Variants in SH3PXD2A observed in about 807,000 individuals in gnomAD.
SH3PXD2A encodes SH3 and PX domain-containing protein 2A.
A neutral mutation model predicts 115.2 loss-of-function variants in SH3PXD2A; 32 were observed. That is an observed-to-expected ratio of 0.28 (90% confidence interval 0.21 to 0.37). The LOEUF is 0.37. Among genes scored for constraint, SH3PXD2A ranks in the 10% least tolerant of loss-of-function variants. The pLI is 1.00. For missense variants in SH3PXD2A, 1,328 were observed against 1,498.7 expected (o/e 0.89, Z 1.88); for synonymous variants, 610 against 629.1 (o/e 0.97, Z 0.45).
chr10:103,602,206 C>G lies in SH3PXD2A; in HGVS notation c.3012G>C (p.Thr1004=), dbSNP rs763957305. ...GGACGCCTCGGAGGCCATCAGTGGCCGTGAGTGACTCATTCCTCCGCAGGG... is the reference window on the plus strand; with the variant it reads ...GGACGCCTCGGAGGCCATCAGTGGCGGTGAGTGACTCATTCCTCCGCAGGG... The part of the protein sequence containing the change: ...SCALRRNESL[T]ATDGLRGVRR... Residue 1004 remains threonine (T), a synonymous_variant, in exon 15 of 15, where the codon ACG becomes ACC. Coordinates refer to ENST00000369774, the MANE Select transcript of SH3PXD2A (RefSeq NM_001394015.1). The G allele has an allele frequency of 5.7e-6, 9 of 1,586,610 alleles. No individual in the cohort carries two copies. The South Asian group carries it at 1.0e-4, about 18-fold the overall frequency.
intron 2 of SH3PXD2A, among the ~76,000 whole-genome samples, chr10:103,773,398 G>A (rs561097959): frequency 3.8e-4 from 57 of 151,936 alleles, no homozygotes; most frequent in African/African-American, 1.4e-3. Flanking sequence ...GAAGAAGAGA[G>A]GGACAATAAT....
At chr10:103,846,277 A>G (rs1190778598) in intron 1 of SH3PXD2A, among the ~76,000 whole-genome samples, 1 of 152,254 alleles carries the variant, frequency 6.6e-6, no homozygotes, top group East Asian at 1.9e-4. Flanking sequence ...CCACTTAGAT[A>G]TCACTTCCTC....
chr10:103,666,624 G>C lies in SH3PXD2A; in HGVS notation c.472+1984C>G, dbSNP rs749809971. On this transcript the variant is annotated intron_variant, in intron 7 of 14. Transcript: ENST00000369774. The surrounding 1 kb of genome is among the most constrained non-coding windows in gnomAD (Gnocchi z 4.5). ...GTCCAGTCCTGCTTTGCCCTTACTA[G>C]CTCTGAGATCCTGGGGAGGACACGT... is the stretch of plus-strand genomic sequence containing the variant. Among the ~76,000 whole-genome samples, 1 of 152,194 alleles carries C rather than the reference G, an allele frequency of 6.6e-6. No individual in the cohort carries two copies. Among genetic ancestry groups the C allele is most frequent in the Non-Finnish European group, 1.5e-5 (1 of 68,042 alleles).
At chr10:103,777,940 G>A (rs952060980) in intron 2 of SH3PXD2A, among the ~76,000 whole-genome samples, 2 of 152,166 alleles carry the variant, frequency 1.3e-5, no homozygotes, top group Admixed American at 6.5e-5. Flanking sequence ...CAAATGCCAG[G>A]AGTCATCATT....
intron 5 of SH3PXD2A, among the ~76,000 whole-genome samples, chr10:103,706,353 G>C (rs1009358610): frequency 7.2e-5 from 11 of 152,216 alleles, no homozygotes; most frequent in African/African-American, 2.7e-4. Flanking sequence ...TGGTTTTACA[G>C]CCTCCTCTCA....
intron 1 of SH3PXD2A, among the ~76,000 whole-genome samples, chr10:103,801,702 A>G (rs1245841287): frequency 6.6e-6 from 1 of 152,030 alleles, no homozygotes; most frequent in Admixed American, 6.6e-5. Context: ...AGGTCACTAC[A>G]TTTTTGTTTG....
chr10:103,773,655 G>A (rs1421628475), intron 2 of SH3PXD2A, among the ~76,000 whole-genome samples: 2 of 152,008 alleles, frequency 1.3e-5, no homozygotes, highest in Non-Finnish European at 2.9e-5. Flanking sequence ...TGGTCAGGCT[G>A]GTCTTGAATT....
chr10:103,762,312 G>A (rs2038709053), intron 3 of SH3PXD2A, among the ~76,000 whole-genome samples: 1 of 152,120 alleles, frequency 6.6e-6, no homozygotes, highest in Admixed American at 6.5e-5. Context: ...GCGGGTGTGA[G>A]CCACTGCGCC....
chr10:103,656,401 C>T (rs920135510), intron 8 of SH3PXD2A, among the ~76,000 whole-genome samples: 5 of 152,190 alleles, frequency 3.3e-5, no homozygotes, highest in East Asian at 1.9e-4. Flanking sequence ...ACTCAGTTGT[C>T]GGGAGAGATC....
Position 103,724,298 on chromosome 10 carries a change from G to A in SH3PXD2A, c.370C>T (p.Arg124Ter), listed in dbSNP as rs139050830. ...TTTGGAGGGTTGACATCCTCGGGTC[G>A]AGCCTCGAAGAACCGGAAGACTTCG... Reference protein sequence around the residue: ...CDEVFRFFEARPEDVNPPKED... With the variant: ...CDEVFRFFEA The change falls in exon 5 of 15, where the codon CGA becomes TGA. Residue 124 changes from arginine to a stop codon, truncating the protein, a stop_gained. Coordinates refer to ENST00000369774, the MANE Select transcript of SH3PXD2A (RefSeq NM_001394015.1). LOFTEE classifies it high-confidence loss of function. 3 of 1,579,184 alleles carry A rather than the reference G, an allele frequency of 1.9e-6. No individual in the cohort carries two copies. The highest frequency in any genetic ancestry group is 2.6e-6 in the Non-Finnish European group (3 of 1,165,298).
intron 6 of SH3PXD2A, among the ~76,000 whole-genome samples, chr10:103,671,853 C>A (rs1828304799): frequency 1.3e-5 from 2 of 152,358 alleles, no homozygotes; most frequent in South Asian, 4.1e-4. Context: ...TCCCTGCCTT[C>A]ATCTCCTCTG....
chr10:103,815,470 T>TTA (rs1491573332), intron 1 of SH3PXD2A, among the ~76,000 whole-genome samples: 3 of 148,194 alleles, frequency 2.0e-5, no homozygotes, highest in African/African-American at 7.4e-5. Flanking sequence ...ACTATATATA[T>TTA]TATATATATA....
intron 4 of SH3PXD2A, among the ~76,000 whole-genome samples, chr10:103,733,062 A>AC (rs1251689208): frequency 6.7e-6 from 1 of 149,976 alleles, no homozygotes; most frequent in East Asian, 2.0e-4. Flanking sequence ...GTACTGCCCC[A>AC]CCCCCGCCAT....
chr10:103,636,074 T>A (rs74154561), intron 8 of SH3PXD2A, among the ~76,000 whole-genome samples: 1,706 of 152,128 alleles, frequency 0.011, 31 homozygotes, highest in African/African-American at 0.039. Context: ...TTCAAATCTC[T>A]CTCAAATTGA....
At chr10:103,671,593 C>A (rs1227039304) in intron 6 of SH3PXD2A, among the ~76,000 whole-genome samples, 1 of 152,224 alleles carries the variant, frequency 6.6e-6, no homozygotes, top group Non-Finnish European at 1.5e-5. Flanking sequence ...CTCTAGCCCA[C>A]CCTAGCAAGC....
At chr10:103,698,090 G>C (rs1277865122) in intron 5 of SH3PXD2A, among the ~76,000 whole-genome samples, 1 of 152,236 alleles carries the variant, frequency 6.6e-6, no homozygotes, top group Non-Finnish European at 1.5e-5. Flanking sequence ...TGGCCACAAG[G>C]AGAGGTCACA....
At position 103,855,253 on chromosome 10, in the gene SH3PXD2A, C is replaced by T. The variant is rs754861600; in HGVS notation, c.14G>A (p.Cys5Tyr). ...GTCCACCACGGTGGCATCCTGCACG[C>T]AGTAGGCGAGCATCTTCCCCCACAA... is the stretch of plus-strand genomic sequence containing the variant. MLAYCVQDATVVDVE... is the reference protein window; with the variant it reads MLAYYVQDATVVDVE... The change falls in exon 1 of 15, where the codon TGC becomes TAC. Residue 5 changes from cysteine to tyrosine, a missense_variant. By Grantham distance (194) the Cys-to-Tyr change is radical. This residue lies in a region of SH3PXD2A where 110 missense variants were observed against 160.0 expected (regional missense o/e 0.69). Transcript: ENST00000369774. 28 of 1,526,138 alleles carry T rather than the reference C, an allele frequency of 1.8e-5. 1 individual carries two copies. In the East Asian group the frequency reaches 4.5e-4, roughly 24 times the overall value. 94.5% of individuals were successfully genotyped at this position (1,526,138 alleles called of 1,614,324 possible). A position where few individuals can be genotyped will look rare whatever the true frequency, so the allele number is the denominator to read the frequency against.
chr10:103,817,254 C>A (rs2134284966), intron 1 of SH3PXD2A, among the ~76,000 whole-genome samples: 1 of 151,954 alleles, frequency 6.6e-6, no homozygotes, highest in East Asian at 1.9e-4. Flanking sequence ...TTTCATCACC[C>A]AGGTATAAAG....
At chr10:103,782,596 G>A (rs2038941293) in intron 2 of SH3PXD2A, among the ~76,000 whole-genome samples, 1 of 152,096 alleles carries the variant, frequency 6.6e-6, no homozygotes, top group Non-Finnish European at 1.5e-5. Context: ...TACTGTTCTA[G>A]GCATCGGGAA....
Sources: gnomAD v4.1 joint callset for allele counts (sites outside exome capture counted in the v4.1 genomes callset) on GRCh38, gnomAD v4.1.1 for gene constraint, gnomAD v4.1.1 regional missense constraint, Gnocchi (gnomAD v3.1) non-coding constraint, MANE v1.5 for transcripts, NCBI Gene and HGNC (gene_info 2026-07-23, HGNC 2026-07-21) for gene names.